GRB14: variants seen among roughly 807,000 people sequenced by gnomAD.
GRB14 encodes growth factor receptor-bound protein 14.
In GRB14, 38 loss-of-function variants were observed where a neutral mutation model predicts 69.1. The observed-to-expected ratio is 0.55, with a 90% CI of 0.42 to 0.72. The LOEUF is 0.72. Ranked by LOEUF, GRB14 falls within the 30% of genes least tolerant of loss-of-function variation. GRB14 has a pLI of 0.00. For synonymous variants in GRB14, 247 were observed against 241.3 expected (o/e 1.02, Z -0.22); for missense variants, 666 against 666.1 (o/e 1.00, Z 0.00).
At chr2:164,496,870 C>A in intron 12 of GRB14, 138 bp downstream of exon 12, 1 of 665,068 alleles carries the variant, frequency 1.5e-6, no homozygotes, top group Admixed American at 2.5e-5. Flanking sequence ...ACAGTGATGA[C>A]CTCATTTATA....
intron 2 of GRB14, among the ~76,000 whole-genome samples, chr2:164,614,829 A>C (rs961933895): frequency 3.3e-5 from 5 of 152,186 alleles, no homozygotes; most frequent in African/African-American, 1.2e-4. Flanking sequence ...CAGCATGTCC[A>C]AAGTGGGGTA....
At chr2:164,535,551 T>C (rs1688059388) in intron 3 of GRB14, among the ~76,000 whole-genome samples, 1 of 152,198 alleles carries the variant, frequency 6.6e-6, no homozygotes, top group Non-Finnish European at 1.5e-5. Context: ...AGAAAACAAT[T>C]TTTTGAATAC....
intron 3 of GRB14, among the ~76,000 whole-genome samples, chr2:164,543,993 T>C (rs1297010295): frequency 6.6e-6 from 1 of 152,200 alleles, no homozygotes; most frequent in African/African-American, 2.4e-5. Context: ...ATGTTTTCAA[T>C]TGTTCTGTTT....
intron 2 of GRB14, among the ~76,000 whole-genome samples, chr2:164,579,108 T>C (rs971348982): frequency 6.6e-6 from 1 of 152,204 alleles, no homozygotes; most frequent in African/African-American, 2.4e-5. Context: ...CCTATACTTC[T>C]ATATAAATAG....
At chr2:164,610,371 A>T (rs371855728) in intron 2 of GRB14, among the ~76,000 whole-genome samples, 1 of 152,166 alleles carries the variant, frequency 6.6e-6, no homozygotes, top group East Asian at 1.9e-4. Flanking sequence ...GCACTCACTT[A>T]TAATTATACT....
rs776567452 is a variant in GRB14 at position 164,541,703 on chromosome 2, CT to C, written c.481+5956del. Among the ~76,000 whole-genome samples the C allele has an allele frequency of 3.9e-5, 6 of 152,090 alleles. No individual in the cohort carries two copies. In the South Asian group the frequency reaches 6.2e-4, roughly 16 times the overall value. On this transcript the variant is annotated intron_variant, in intron 3 of 13. Transcript: ENST00000263915. ...ATTTATTTATTTTTTATAATTTCAA[CT>C]TTTATTTCAATTCAAGAAACACACA...
intron 8 of GRB14, among the ~76,000 whole-genome samples, chr2:164,508,060 AAC>A (rs1443458887): frequency 6.6e-6 from 1 of 152,236 alleles, no homozygotes; most frequent in Non-Finnish European, 1.5e-5. Context: ...TCGAACACAA[AAC>A]AGTTACATTA....
intron 2 of GRB14, chr2:164,573,808 A>G: frequency 6.2e-7 from 1 of 1,612,898 alleles, no homozygotes; most frequent in South Asian, 1.1e-5. Flanking sequence ...ACATGTTGGC[A>G]GATAAATTGA....
intron 2 of GRB14, among the ~76,000 whole-genome samples, chr2:164,565,888 T>C (rs1367017456): frequency 2.7e-4 from 41 of 152,288 alleles, no homozygotes; most frequent in African/African-American, 2.4e-5. Context: ...TGAAGGGCCA[T>C]GTTTAAAATT....
Position 164,551,556 on chromosome 2 carries a change from C to T in GRB14, c.325-3740G>A, listed in dbSNP as rs575593304. Among the ~76,000 whole-genome samples the T allele has an allele frequency of 2.0e-5, 3 of 152,286 alleles. No homozygotes were observed. The South Asian group carries it at 6.2e-4, about 32-fold the overall frequency. ...GATTAGTGTCCTATGGAATAGATCA[C>T]TATGTGACCCAAACCAAATAAGACA... On this transcript the variant is annotated intron_variant, in intron 2 of 13. Transcript: ENST00000263915.
At chr2:164,558,164 T>C (rs1688727855) in intron 2 of GRB14, among the ~76,000 whole-genome samples, 1 of 152,120 alleles carries the variant, frequency 6.6e-6, no homozygotes, top group Non-Finnish European at 1.5e-5. Context: ...CCTACTCTAT[T>C]ATTTACCTTT....
In GRB14 at chr2:164,621,103, C is replaced by T. The variant is rs1461104203; in HGVS notation, c.191+16G>A. ...CCCAGCCAGGACACTCCCCCGCGCCCTCCAGGGTTGCCTACCTGTCTGCAG... is the reference window on the plus strand; with the variant it reads ...CCCAGCCAGGACACTCCCCCGCGCCTTCCAGGGTTGCCTACCTGTCTGCAG... On this transcript the variant is annotated intron_variant, in intron 1 of 13. Coordinates refer to ENST00000263915, the MANE Select transcript of GRB14 (RefSeq NM_004490.3). The surrounding 1 kb of genome is among the most constrained non-coding windows in gnomAD (Gnocchi z 6.0). 2.4e-5 allele frequency: 30 copies of T among 1,246,026 alleles called. No individual in the cohort carries two copies. Among genetic ancestry groups the T allele is most frequent in the Admixed American group, 4.2e-5 (1 of 23,690 alleles). 77.2% of individuals were successfully genotyped at this position (1,246,026 alleles called of 1,614,324 possible).
chr2:164,621,338 T>G lies in GRB14; in HGVS notation c.-29A>C. 2 of 1,276,356 alleles carry G rather than the reference T, an allele frequency of 1.6e-6. No homozygotes were observed. Among genetic ancestry groups the G allele is most frequent in the Non-Finnish European group, 2.0e-6 (2 of 1,011,210 alleles). 79.1% of individuals were successfully genotyped at this position (1,276,356 alleles called of 1,614,324 possible). A position where few individuals can be genotyped will look rare whatever the true frequency, so the allele number is the denominator to read the frequency against. ...CGCCGGCCGGGGGGCTCGGGCGTCA[T>G]GGGAGACTCGGCGCGTGGGGAGAAG... On this transcript the variant is annotated 5_prime_UTR_variant, in exon 1 of 14. It removes an upstream start codon present in the reference 5' UTR. Coordinates refer to ENST00000263915, the MANE Select transcript of GRB14 (RefSeq NM_004490.3). This position sits in a 1 kb window ranked among gnomAD's most constrained non-coding sequence, Gnocchi z 6.0.
At chr2:164,588,557 C>T (rs62173868) in intron 2 of GRB14, among the ~76,000 whole-genome samples, 1 of 151,904 alleles carries the variant, frequency 6.6e-6, no homozygotes, top group Admixed American at 6.6e-5. Flanking sequence ...TTTTTTTTAC[C>T]TCAAGTTCAA....
At chr2:164,619,136 G>A (rs1298175150) in intron 2 of GRB14, among the ~76,000 whole-genome samples, 3 of 151,996 alleles carry the variant, frequency 2.0e-5, no homozygotes, top group East Asian at 1.9e-4. Flanking sequence ...TTATCACTAC[G>A]AGTCATCTAT....
intron 1 of GRB14, among the ~76,000 whole-genome samples, chr2:164,620,426 G>A (rs1435641759): frequency 6.6e-6 from 1 of 151,982 alleles, no homozygotes; most frequent in Non-Finnish European, 1.5e-5. Context: ...GTTTTGAGGC[G>A]GTAAGTTAAT....
chr2:164,527,254 A>G (rs902565539), intron 3 of GRB14, 119 bp from the exon 4 acceptor site: 1 of 244,010 alleles, frequency 4.1e-6, no homozygotes, highest in Admixed American at 5.5e-5. Context: ...TATAAAATGT[A>G]TTACGCATCT....
chr2:164,610,367 A>C (rs1281547053), intron 2 of GRB14, among the ~76,000 whole-genome samples: 1 of 152,156 alleles, frequency 6.6e-6, no homozygotes, highest in Non-Finnish European at 1.5e-5. Context: ...CTGGGCACTC[A>C]CTTATAATTA....
intron 2 of GRB14, among the ~76,000 whole-genome samples, chr2:164,593,528 C>T (rs1218470823): frequency 1.3e-5 from 2 of 151,998 alleles, no homozygotes; most frequent in Non-Finnish European, 2.9e-5. Flanking sequence ...ATTTTCAGAC[C>T]AATAAAGACT....
Sources: gnomAD v4.1 joint callset for allele counts (sites outside exome capture counted in the v4.1 genomes callset) on GRCh38, gnomAD v4.1.1 for gene constraint, Gnocchi (gnomAD v3.1) non-coding constraint, MANE v1.5 for transcripts, NCBI Gene and HGNC (gene_info 2026-07-23, HGNC 2026-07-21) for gene names.